SAMD5: variants seen among roughly 807,000 people sequenced by gnomAD.
The protein encoded by SAMD5 is sterile alpha motif domain containing 5, also known as sterile alpha motif domain-containing protein 5.
Under a neutral mutation model 11.3 loss-of-function variants are expected in SAMD5, and 13 were observed. That is an observed-to-expected ratio of 1.15 (90% confidence interval 0.75 to 1.83). The LOEUF is 1.83. Ranked by LOEUF, SAMD5 falls within the 40% of genes most tolerant of loss-of-function variation. The pLI is 0.00. For missense variants in SAMD5, 255 were observed against 239.1 expected (o/e 1.07, Z -0.44); for synonymous variants, 129 against 111.3 (o/e 1.16, Z -1.00).
At chr6:147,924,478 C>CT in the SAMD5 span, among the ~76,000 whole-genome samples, 1 of 151,968 alleles carries the variant, frequency 6.6e-6, no homozygotes. Context: ...GTGCCATGTG[C>CT]TTTTCAGAAC....
chr6:147,520,679 G>A (rs1788239911), intron 1 of SAMD5, among the ~76,000 whole-genome samples: 1 of 152,054 alleles, frequency 6.6e-6, no homozygotes, highest in Non-Finnish European at 1.5e-5. Context: ...ATAAGAGTCA[G>A]GCTATTTTTT....
At chr6:147,657,081 A>C (rs1157808368) in intron 1 of SAMD5, among the ~76,000 whole-genome samples, 1 of 152,072 alleles carries the variant, frequency 6.6e-6, no homozygotes, top group Non-Finnish European at 1.5e-5. Context: ...AATATGAGGA[A>C]TTTTCACTTC....
chr6:147,759,487 A>G, the SAMD5 span, among the ~76,000 whole-genome samples: 1 of 152,144 alleles, frequency 6.6e-6, no homozygotes, highest in African/African-American at 2.4e-5. Context: ...ATGATCTGAT[A>G]GCATTAATAT....
chr6:147,512,407 T>A (rs1278741282), intron 1 of SAMD5, among the ~76,000 whole-genome samples: 2 of 152,142 alleles, frequency 1.3e-5, no homozygotes, highest in Non-Finnish European at 2.9e-5. Flanking sequence ...CCAAAGATTA[T>A]CAAGATAGGG....
chr6:147,610,313 A>G (rs1789764146), intron 1 of SAMD5, among the ~76,000 whole-genome samples: 1 of 152,150 alleles, frequency 6.6e-6, no homozygotes, highest in Non-Finnish European at 1.5e-5. Context: ...AAAAAATAGG[A>G]GGAAAAAAAT....
chr6:147,689,058 G>C (rs17259558), intron 1 of SAMD5, among the ~76,000 whole-genome samples: 17,416 of 152,112 alleles, frequency 0.11, 1,078 homozygotes, highest in Middle Eastern at 0.16. Context: ...CTCTTTTCAG[G>C]ATGTTTTCCT....
rs886675267 is a variant in SAMD5 at position 147,565,957 on chromosome 6, G to A, written c.*1501G>A. 2 of 984,968 alleles carry A rather than the reference G, an allele frequency of 2.0e-6. No homozygotes were observed. The highest frequency in any genetic ancestry group is 2.4e-6 in the Non-Finnish European group (2 of 829,630). 61.0% of individuals were successfully genotyped at this position (984,968 alleles called of 1,614,324 possible). A position where few individuals can be genotyped will look rare whatever the true frequency, so the allele number is the denominator to read the frequency against. ...AATGTACAAGATGTAAGTTCCCATCGGCACCGTCATGGTAAGAAGAATAAG... is the reference window on the plus strand; with the variant it reads ...AATGTACAAGATGTAAGTTCCCATCAGCACCGTCATGGTAAGAAGAATAAG... On this transcript the variant is annotated 3_prime_UTR_variant, in exon 2 of 2. Coordinates refer to ENST00000367474, the MANE Select transcript of SAMD5 (RefSeq NM_001030060.3).
intron 1 of SAMD5, among the ~76,000 whole-genome samples, chr6:147,649,875 G>A (rs1157635496): frequency 6.6e-6 from 1 of 151,268 alleles, no homozygotes; most frequent in African/African-American, 2.4e-5. Context: ...CTCAGTGACC[G>A]CTCTCCCCAG....
intron 1 of SAMD5, among the ~76,000 whole-genome samples, chr6:147,526,232 A>C (rs1788337058): frequency 1.3e-5 from 2 of 152,206 alleles, no homozygotes; most frequent in African/African-American, 4.8e-5. Flanking sequence ...ATTTGTGTTT[A>C]ATTGTGCATT....
chr6:147,875,001 C>A, the SAMD5 span, among the ~76,000 whole-genome samples: 1 of 151,844 alleles, frequency 6.6e-6, no homozygotes, highest in Non-Finnish European at 1.5e-5. Context: ...TGCCTATTTC[C>A]GCATGTTACT....
intron 1 of SAMD5, among the ~76,000 whole-genome samples, chr6:147,623,587 C>A (rs1488410527): frequency 6.6e-6 from 1 of 152,144 alleles, no homozygotes; most frequent in African/African-American, 2.4e-5. Flanking sequence ...AGAGCACATT[C>A]ATTGAAGGAA....
rs929403889 is a variant in SAMD5 at position 147,564,764 on chromosome 6, A to G, written c.*308A>G. ...CATTCTCCCTTCCATTCTTAATGAA[A>G]ACAGATGAGGTTGGCTAAGGCATTT... On this transcript the variant is annotated 3_prime_UTR_variant, in exon 2 of 2. Transcript: ENST00000367474. The G allele has an allele frequency of 1.9e-5, 20 of 1,035,264 alleles. No individual in the cohort carries two copies. The African/African-American group carries it at 3.2e-4, about 17-fold the overall frequency. 64.1% of individuals were successfully genotyped at this position (1,035,264 alleles called of 1,614,324 possible). A position where few individuals can be genotyped will look rare whatever the true frequency, so the allele number is the denominator to read the frequency against.
chr6:147,780,888 A>T, the SAMD5 span, among the ~76,000 whole-genome samples: 1 of 152,080 alleles, frequency 6.6e-6, no homozygotes, highest in African/African-American at 2.4e-5. Flanking sequence ...TTATTCAAAT[A>T]CTCTTTAGAT....
At chr6:147,699,694 G>A (rs1010827591) in intron 1 of SAMD5, among the ~76,000 whole-genome samples, 4 of 152,160 alleles carry the variant, frequency 2.6e-5, no homozygotes, top group Non-Finnish European at 5.9e-5. Context: ...CCTCTATCAA[G>A]GGTGATTTTA....
the SAMD5 span, among the ~76,000 whole-genome samples, chr6:147,939,889 A>C: frequency 6.6e-6 from 1 of 152,118 alleles, no homozygotes; most frequent in Non-Finnish European, 1.5e-5. Context: ...GGACCAAGAC[A>C]TATTTCTATA....
chr6:147,839,880 A>C, the SAMD5 span, among the ~76,000 whole-genome samples: 25,449 of 152,248 alleles, frequency 0.17, 2,300 homozygotes, highest in Middle Eastern at 0.21. Context: ...TTTGACCCAC[A>C]CAATAATCAT....
chr6:147,846,134 A>G, the SAMD5 span, among the ~76,000 whole-genome samples: 6 of 152,330 alleles, frequency 3.9e-5, no homozygotes, highest in East Asian at 1.2e-3. Context: ...TTTTAAAAGT[A>G]TCACATAAGG....
intron 1 of SAMD5, among the ~76,000 whole-genome samples, chr6:147,589,089 C>T (rs974138938): frequency 2.6e-5 from 4 of 152,178 alleles, no homozygotes; most frequent in African/African-American, 9.6e-5. Flanking sequence ...TCCCCAGTAG[C>T]TGGGACTACC....
chr6:147,517,299 G>C (rs543526827), intron 1 of SAMD5, among the ~76,000 whole-genome samples: 19 of 152,150 alleles, frequency 1.2e-4, no homozygotes, highest in Non-Finnish European at 2.8e-4. Flanking sequence ...ACCTGCTTCT[G>C]GTGTTCTTTA....
Sources: allele counts gnomAD v4.1 joint callset (sites outside exome capture counted in the v4.1 genomes callset), GRCh38; gene constraint gnomAD v4.1.1; transcripts MANE v1.5; gene names NCBI Gene and HGNC (gene_info 2026-07-23, HGNC 2026-07-21).